The following TMEM132C variants were observed in gnomAD, a reference collection of about 807,000 sequenced individuals.
TMEM132C encodes transmembrane protein 132C.
Under a neutral mutation model 61.4 loss-of-function variants are expected in TMEM132C, and 29 were observed. The observed-to-expected ratio is 0.47, with a 90% CI of 0.35 to 0.64. The LOEUF (loss-of-function observed/expected upper bound fraction) is 0.64, where lower values mean the gene tolerates loss of function less well. TMEM132C is among the 30% of genes least tolerant of loss of function. TMEM132C has a pLI of 0.00. For synonymous variants in TMEM132C, 656 were observed against 633.1 expected (o/e 1.04, Z -0.54); for missense variants, 1,408 against 1,476.9 (o/e 0.95, Z 0.76).
In TMEM132C at chr12:128,452,892, C is replaced by T. The variant is rs561031660; in HGVS notation, c.974+37272C>T. Among the ~76,000 whole-genome samples the T allele has an allele frequency of 2.5e-3, 373 of 152,092 alleles. 1 individual carries two copies. Among genetic ancestry groups the T allele is most frequent in the Non-Finnish European group, 4.1e-3 (278 of 67,994 alleles). On this transcript the variant is annotated intron_variant, in intron 2 of 8. Transcript: ENST00000435159. ...TTTTTATCAAGTAGCATGAGTTTTTCATTTATGAAGATAATATGAAGTTGT... is the reference window on the plus strand; with the variant it reads ...TTTTTATCAAGTAGCATGAGTTTTTTATTTATGAAGATAATATGAAGTTGT...
At chr12:128,596,723 G>T (rs921057710) in intron 3 of TMEM132C, among the ~76,000 whole-genome samples, 7 of 152,186 alleles carry the variant, frequency 4.6e-5, no homozygotes, top group Non-Finnish European at 1.0e-4. Context: ...TGCCCCTTTC[G>T]CAGGTCCTGG....
chr12:128,557,877 T>A (rs1256838885), intron 3 of TMEM132C, among the ~76,000 whole-genome samples: 1 of 152,234 alleles, frequency 6.6e-6, no homozygotes, highest in East Asian at 1.9e-4. Flanking sequence ...TTTGCTGACA[T>A]CGTGCCCAAA....
At chr12:128,497,607 C>T (rs1236561178) in intron 2 of TMEM132C, among the ~76,000 whole-genome samples, 4 of 152,320 alleles carry the variant, frequency 2.6e-5, no homozygotes, top group East Asian at 1.9e-4. Context: ...AGCGAGGCTC[C>T]GTGGGCATGG....
intron 2 of TMEM132C, among the ~76,000 whole-genome samples, chr12:128,483,520 G>T (rs1871386821): frequency 6.6e-6 from 1 of 152,052 alleles, no homozygotes; most frequent in Non-Finnish European, 1.5e-5. Flanking sequence ...TACCTCTGTG[G>T]TGGTTGTTTC....
Position 128,705,141 on chromosome 12 carries a change from C to T in TMEM132C, c.2173C>T (p.Leu725=). Reference sequence around the variant, plus strand: ...GTTCAGTGATGGCTCTGTGACGCCCCTGGACATCTACGACACCAAGGACTT... The same window carrying T: ...GTTCAGTGATGGCTCTGTGACGCCCTTGGACATCTACGACACCAAGGACTT... ...LQFSDGSVTP[L]DIYDTKDFSL... Residue 725 remains leucine, a synonymous_variant, in exon 9 of 9, where the codon CTG becomes TTG. Transcript: ENST00000435159. 2.6e-6 allele frequency: 4 copies of T among 1,551,286 alleles called. No homozygotes were observed. The highest frequency in any genetic ancestry group is 3.5e-6 in the Non-Finnish European group (4 of 1,146,758).
intron 1 of TMEM132C, among the ~76,000 whole-genome samples, chr12:128,290,492 G>T (rs1430848733): frequency 2.0e-5 from 3 of 152,268 alleles, no homozygotes; most frequent in South Asian, 4.1e-4. Context: ...TTCAATTCAA[G>T]ATGAGATTTG....
chr12:128,398,945 A>G (rs1216437907), intron 1 of TMEM132C, among the ~76,000 whole-genome samples: 1 of 152,232 alleles, frequency 6.6e-6, no homozygotes, highest in Non-Finnish European at 1.5e-5. Flanking sequence ...TGGAAAGCTC[A>G]GTTTAAATGT....
intron 2 of TMEM132C, among the ~76,000 whole-genome samples, chr12:128,478,651 G>A (rs925738740): frequency 3.9e-5 from 6 of 152,208 alleles, no homozygotes; most frequent in African/African-American, 1.2e-4. Flanking sequence ...CTCACTGAAA[G>A]GTGAAAAGAC....
intron 5 of TMEM132C, among the ~76,000 whole-genome samples, chr12:128,678,549 C>T (rs920829559): frequency 2.6e-5 from 4 of 152,358 alleles, no homozygotes; most frequent in South Asian, 2.1e-4. Context: ...TGAGTTTGAA[C>T]GCAGTCATCC....
At chr12:128,449,386 T>C (rs10773546) in intron 2 of TMEM132C, among the ~76,000 whole-genome samples, 26,242 of 152,078 alleles carry the variant, frequency 0.17, 3,826 homozygotes, top group African/African-American at 0.4. Flanking sequence ...TTGTTTACAG[T>C]GTCTACTATA....
At chr12:128,356,602 A>C (rs1029233039) in intron 1 of TMEM132C, among the ~76,000 whole-genome samples, 13 of 152,224 alleles carry the variant, frequency 8.5e-5, no homozygotes, top group Admixed American at 7.9e-4. Flanking sequence ...CATGTTAAGT[A>C]GGTTCAGCAA....
At chr12:128,382,375 C>T (rs4882752) in intron 1 of TMEM132C, among the ~76,000 whole-genome samples, 51,477 of 152,100 alleles carry the variant, frequency 0.34, 10,291 homozygotes, top group Admixed American at 0.48. Context: ...CATCAAAGAT[C>T]GAGATAGCGC....
At chr12:128,574,987 T>A (rs1875035702) in intron 3 of TMEM132C, among the ~76,000 whole-genome samples, 1 of 152,144 alleles carries the variant, frequency 6.6e-6, no homozygotes, top group African/African-American at 2.4e-5. Context: ...GGTAATAAAA[T>A]AAAAACCATG....
intron 3 of TMEM132C, among the ~76,000 whole-genome samples, chr12:128,555,721 T>C (rs1389436781): frequency 3.3e-5 from 5 of 151,772 alleles, no homozygotes; most frequent in Admixed American, 2.0e-4. Context: ...ACTTTTTTTT[T>C]TTTTTTTCTT....
intron 1 of TMEM132C, among the ~76,000 whole-genome samples, chr12:128,384,548 C>T (rs1027227337): frequency 3.9e-5 from 6 of 152,138 alleles, no homozygotes; most frequent in South Asian, 2.1e-4. Flanking sequence ...GATGGTGGGT[C>T]GGATGGCTCT....
chr12:128,421,353 C>G (rs77129485), intron 2 of TMEM132C, among the ~76,000 whole-genome samples: 9,303 of 152,256 alleles, frequency 0.061, 970 homozygotes, highest in African/African-American at 0.21. Flanking sequence ...GAGAAATCCA[C>G]CCAGGTCACA....
chr12:128,580,466 AC>A (rs1875289892), intron 3 of TMEM132C, among the ~76,000 whole-genome samples: 1 of 151,750 alleles, frequency 6.6e-6, no homozygotes, highest in Non-Finnish European at 1.5e-5. Flanking sequence ...AACAAACATA[AC>A]CCATGAAATA....
intron 2 of TMEM132C, among the ~76,000 whole-genome samples, chr12:128,470,698 T>C (rs1384864496): frequency 6.6e-6 from 1 of 152,188 alleles, no homozygotes; most frequent in East Asian, 1.9e-4. Context: ...GCAAGAGGAA[T>C]GTGTTCAAGT....
intron 4 of TMEM132C, among the ~76,000 whole-genome samples, chr12:128,625,477 T>TG (rs1954005718): frequency 1.3e-5 from 2 of 152,220 alleles, no homozygotes; most frequent in Non-Finnish European, 2.9e-5. Flanking sequence ...AGAGGTTTAA[T>TG]GGACTTACAG....
Sources: gnomAD v4.1 joint callset for allele counts (sites outside exome capture counted in the v4.1 genomes callset) on GRCh38, gnomAD v4.1.1 for gene constraint, MANE v1.5 for transcripts, NCBI Gene and HGNC (gene_info 2026-07-23, HGNC 2026-07-21) for gene names.